Variants in KDM4B observed in about 807,000 individuals in gnomAD.
The protein encoded by KDM4B is lysine demethylase 4B, also known as lysine-specific demethylase 4B.
Under a neutral mutation model 125.2 loss-of-function variants are expected in KDM4B, and 32 were observed. The observed-to-expected ratio is 0.26, with a 90% CI of 0.19 to 0.34. The LOEUF is 0.34. Among genes scored for constraint, KDM4B ranks in the 10% least tolerant of loss-of-function variants. The pLI is 1.00. For missense variants in KDM4B, 1,190 were observed against 1,577.7 expected, an observed-to-expected ratio of 0.75 and a Z score of 4.16; for synonymous variants, 721 against 677.9, an observed-to-expected ratio of 1.06 and a Z score of -0.99.
At position 5,082,821 on chromosome 19, in the gene KDM4B, T is replaced by C. The variant is rs928785207; in HGVS notation, c.918+317T>C. ...TGGCCGGCTGCTCGGGTCTAGGGGTTGGGGTGTTTCCTCCACCAGCACCAT... is the reference window on the plus strand; with the variant it reads ...TGGCCGGCTGCTCGGGTCTAGGGGTCGGGGTGTTTCCTCCACCAGCACCAT... On this transcript the variant is annotated intron_variant, in intron 9 of 22. Coordinates refer to ENST00000159111, the MANE Select transcript of KDM4B (RefSeq NM_015015.3). The surrounding 1 kb of genome is among the most constrained non-coding windows in gnomAD (Gnocchi z 5.4). Among the ~76,000 whole-genome samples the C allele has an allele frequency of 1.3e-5, 2 of 152,172 alleles. No individual in the cohort carries two copies. The highest frequency in any genetic ancestry group is 4.8e-5 in the African/African-American group (2 of 41,454).
chr19:5,135,312 C>A lies in KDM4B; in HGVS notation c.2086-27C>A, dbSNP rs368722518. ...CCGCCTGCCCCACACATGGCTCTGT[C>A]CCCTGAAGGTCGCCTCTCCCCTACA... is the stretch of plus-strand genomic sequence containing the variant. On this transcript the variant is annotated intron_variant, in intron 14 of 22. Coordinates refer to ENST00000159111, the MANE Select transcript of KDM4B (RefSeq NM_015015.3). The A allele has an allele frequency of 1.3e-4, 193 of 1,522,980 alleles. 1 individual carries two copies. The East Asian group carries it at 2.4e-3, about 19-fold the overall frequency. 94.3% of individuals were successfully genotyped at this position (1,522,980 alleles called of 1,614,324 possible). A position where few individuals can be genotyped will look rare whatever the true frequency, so the allele number is the denominator to read the frequency against.
At position 5,142,232 on chromosome 19, in the gene KDM4B, C is replaced by A. The variant is rs560255510; in HGVS notation, c.2551-1735C>A. On this transcript the variant is annotated intron_variant, in intron 18 of 22. Coordinates refer to ENST00000159111, the MANE Select transcript of KDM4B (RefSeq NM_015015.3). The surrounding 1 kb of genome is among the most constrained non-coding windows in gnomAD (Gnocchi z 5.4). Reference sequence around the variant, plus strand: ...GGGCCCTTCCAGGCCCCCCACGGGCCGTAGACCCTGACTCCCCGGCACACA... The same window carrying A: ...GGGCCCTTCCAGGCCCCCCACGGGCAGTAGACCCTGACTCCCCGGCACACA... Among the ~76,000 whole-genome samples the A allele has an allele frequency of 2.0e-5, 3 of 152,082 alleles. No homozygotes were observed. Among genetic ancestry groups the A allele is most frequent in the Non-Finnish European group, 4.4e-5 (3 of 67,988 alleles).
Position 4,971,815 on chromosome 19 carries a change from G to A in KDM4B, c.-109+2585G>A, listed in dbSNP as rs933203100. Among the ~76,000 whole-genome samples the A allele has an allele frequency of 6.6e-6, 1 of 152,122 alleles. No homozygotes were observed. The highest frequency in any genetic ancestry group is 1.5e-5 in the Non-Finnish European group (1 of 68,026). ...GGCTTTGTTCCCTGGATCGGGGAGC[G>A]GAATTGGGGGTTCAGAGCTGGGTGA... On this transcript the variant is annotated intron_variant, in intron 1 of 22. Transcript: ENST00000159111. The surrounding 1 kb of genome is among the most constrained non-coding windows in gnomAD (Gnocchi z 4.1).
At chr19:5,028,625 A>G (rs539588169) in intron 2 of KDM4B, among the ~76,000 whole-genome samples, 3 of 152,202 alleles carry the variant, frequency 2.0e-5, no homozygotes, top group African/African-American at 7.2e-5. Context: ...AGTGTGATTT[A>G]TGTGTGACAT....
intron 3 of KDM4B, among the ~76,000 whole-genome samples, chr19:5,039,533 T>C (rs2036736793): frequency 6.6e-6 from 1 of 152,148 alleles, no homozygotes; most frequent in Admixed American, 6.5e-5. Flanking sequence ...CAGTGCCACC[T>C]ATGTTTGCTG....
rs2038329902 is a variant in KDM4B at position 5,082,483 on chromosome 19, C to A, written c.897C>A (p.Asp299Glu). 2 of 1,607,186 alleles carry A rather than the reference C, an allele frequency of 1.2e-6. No homozygotes were observed. Among genetic ancestry groups the A allele is most frequent in the Non-Finnish European group, 1.7e-6 (2 of 1,176,414 alleles). Reference sequence around the variant, plus strand: ...ACTTCGCCACCCTGCGGTGGATTGACTACGGCAAAGTGGCCACTCAGGTAA... The same window carrying A: ...ACTTCGCCACCCTGCGGTGGATTGAATACGGCAAAGTGGCCACTCAGGTAA... ...STNFATLRWI[D>E]YGKVATQCTC... The change falls in exon 9 of 23, where the codon GAC (aspartate) becomes GAA (glutamate). Residue 299 changes from aspartate (D) to glutamate (E), a missense_variant. Asp to Glu is a conservative substitution (Grantham distance 45). This residue lies in a region of KDM4B where 75 missense variants were observed against 218.2 expected (regional missense o/e 0.34). Transcript: ENST00000159111. This position sits in a 1 kb window ranked among gnomAD's most constrained non-coding sequence, Gnocchi z 5.4.
At chr19:4,981,558 A>C (rs2034643227) in intron 1 of KDM4B, among the ~76,000 whole-genome samples, 1 of 152,178 alleles carries the variant, frequency 6.6e-6, no homozygotes, top group Admixed American at 6.5e-5. Flanking sequence ...GGGGCCCAGC[A>C]GCCTCCACCT....
At chr19:5,095,286 A>G (rs1368863296) in intron 9 of KDM4B, among the ~76,000 whole-genome samples, 1 of 152,138 alleles carries the variant, frequency 6.6e-6, no homozygotes, top group Non-Finnish European at 1.5e-5. Flanking sequence ...CCGTGGTCAG[A>G]TGCTATTTGG....
intron 21 of KDM4B, among the ~76,000 whole-genome samples, chr19:5,148,051 C>T (rs368353659): frequency 6.6e-6 from 1 of 152,176 alleles, no homozygotes; most frequent in South Asian, 2.1e-4. Context: ...CCCCAAGAGC[C>T]TCCCCGCCTG....
intron 9 of KDM4B, among the ~76,000 whole-genome samples, chr19:5,101,686 G>A (rs928451163): frequency 1.3e-5 from 2 of 150,932 alleles, no homozygotes; most frequent in African/African-American, 4.9e-5. Context: ...GGGCGGGGAG[G>A]GCCTCACTTG....
At position 5,082,620 on chromosome 19, in the gene KDM4B, G is replaced by A. The variant is rs907476762; in HGVS notation, c.918+116G>A. 31 of 1,179,228 alleles carry A rather than the reference G, an allele frequency of 2.6e-5. No individual in the cohort carries two copies. Among genetic ancestry groups the A allele is most frequent in the Middle Eastern group, 2.4e-4 (1 of 4,254 alleles). 73.0% of individuals were successfully genotyped at this position (1,179,228 alleles called of 1,614,324 possible). A position where few individuals can be genotyped will look rare whatever the true frequency, so the allele number is the denominator to read the frequency against. On this transcript the variant is annotated intron_variant, in intron 9 of 22. Transcript: ENST00000159111. The surrounding 1 kb of genome is among the most constrained non-coding windows in gnomAD (Gnocchi z 5.4). The stretch of plus-strand genomic sequence containing the variant: ...AGCCGTTTCGCTCAGCCCAGGGCCT[G>A]GGCTCTCAACCAGGGTCTGATTCTG...
intron 1 of KDM4B, among the ~76,000 whole-genome samples, chr19:4,998,349 A>C (rs2035266305): frequency 6.6e-6 from 1 of 152,104 alleles, no homozygotes; most frequent in Admixed American, 6.5e-5. Context: ...TTTTTGTTTT[A>C]ATAAAATTTT....
intron 9 of KDM4B, among the ~76,000 whole-genome samples, chr19:5,090,826 C>T (rs974716427): frequency 6.6e-6 from 1 of 151,378 alleles, no homozygotes; most frequent in Non-Finnish European, 1.5e-5. Context: ...GAGGCACAGG[C>T]CGATGGGGCA....
At chr19:5,088,939 G>C (rs2038599426) in intron 9 of KDM4B, among the ~76,000 whole-genome samples, 1 of 152,212 alleles carries the variant, frequency 6.6e-6, no homozygotes, top group African/African-American at 2.4e-5. Flanking sequence ...ACCCCGCTCA[G>C]TGAGAGAAGC....
intron 21 of KDM4B, among the ~76,000 whole-genome samples, chr19:5,148,777 G>A (rs1361424316): frequency 6.6e-6 from 1 of 152,184 alleles, no homozygotes; most frequent in Non-Finnish European, 1.5e-5. Context: ...GGGTGCTGGG[G>A]CTCCGACACT....
At chr19:5,119,411 G>A (rs2291145) in intron 10 of KDM4B, among the ~76,000 whole-genome samples, 30,488 of 151,940 alleles carry the variant, frequency 0.2, 4,004 homozygotes, top group East Asian at 0.61. Flanking sequence ...GCTTGACACC[G>A]TCCCCGCCGT....
At chr19:5,067,370 G>A (rs2037804874) in intron 6 of KDM4B, among the ~76,000 whole-genome samples, 1 of 152,294 alleles carries the variant, frequency 6.6e-6, no homozygotes, top group Admixed American at 6.5e-5. Flanking sequence ...CAATCCCTGT[G>A]CGCTGGGCCG....
chr19:5,131,655 G>A (rs1012553634), intron 12 of KDM4B, 110 bp downstream of exon 12: 2 of 590,734 alleles, frequency 3.4e-6, no homozygotes, highest in Admixed American at 6.0e-5. Context: ...GGGCAGGGAG[G>A]AGGGGACAGG....
chr19:5,037,929 C>T (rs949313356), intron 3 of KDM4B, among the ~76,000 whole-genome samples: 1 of 152,260 alleles, frequency 6.6e-6, no homozygotes, highest in Non-Finnish European at 1.5e-5. Context: ...TTAACAGGCA[C>T]CTGGAGGATA....
Sources: allele counts gnomAD v4.1 joint callset (sites outside exome capture counted in the v4.1 genomes callset), GRCh38; gene constraint gnomAD v4.1.1; regional missense constraint gnomAD v4.1.1; non-coding constraint Gnocchi (gnomAD v3.1); transcripts MANE v1.5; gene names NCBI Gene and HGNC (gene_info 2026-07-23, HGNC 2026-07-21).